Variants in DHCR24 observed in about 807,000 individuals in gnomAD.
The protein encoded by DHCR24 is delta(24)-sterol reductase.
DHCR24 carries 28 observed loss-of-function variants against 61.2 expected under a neutral mutation model. The ratio of observed to expected loss-of-function variants is 0.46; its 90% CI spans 0.34 to 0.63. The LOEUF (loss-of-function observed/expected upper bound fraction) is 0.63. Among genes scored for constraint, DHCR24 ranks in the 20% least tolerant of loss-of-function variants. The pLI, the probability that DHCR24 is intolerant of heterozygous loss-of-function variation, is 0.01. For missense variants in DHCR24, 538 were observed against 679.1 expected (o/e 0.79, Z 2.31); for synonymous variants, 261 against 275.9 (o/e 0.95, Z 0.54).
chr1:54,882,398 G>A (rs1647068424), intron 2 of DHCR24, among the ~76,000 whole-genome samples: 1 of 152,212 alleles, frequency 6.6e-6, no homozygotes, highest in Non-Finnish European at 1.5e-5. Flanking sequence ...TGGTGGAAAT[G>A]TAAAATGCTA....
chr1:54,856,319 CG>C (rs1368491597), intron 6 of DHCR24, among the ~76,000 whole-genome samples: 1 of 152,174 alleles, frequency 6.6e-6, no homozygotes, highest in Non-Finnish European at 1.5e-5. Context: ...CTTATTGGAT[CG>C]GGTGCGGTGG....
chr1:54,860,300 A>G (rs931458575), intron 6 of DHCR24, among the ~76,000 whole-genome samples: 2 of 152,040 alleles, frequency 1.3e-5, no homozygotes, highest in African/African-American at 4.8e-5. Flanking sequence ...CCACTGCCCC[A>G]CCGCCTTTCC....
At chr1:54,866,070 G>A (rs1190330322) in intron 5 of DHCR24, among the ~76,000 whole-genome samples, 1 of 152,076 alleles carries the variant, frequency 6.6e-6, no homozygotes, top group Non-Finnish European at 1.5e-5. Flanking sequence ...GCCCTAAATG[G>A]TCATGACTCA....
chr1:54,886,792 G>A, intron 1 of DHCR24, 97 bp downstream of exon 1: 3 of 1,283,736 alleles, frequency 2.3e-6, no homozygotes, highest in South Asian at 2.0e-5. Flanking sequence ...AGTCCTGGCC[G>A]CCCCCGCACC....
At chr1:54,885,472 A>C (rs1022250809) in intron 1 of DHCR24, among the ~76,000 whole-genome samples, 2 of 152,234 alleles carry the variant, frequency 1.3e-5, no homozygotes, top group Non-Finnish European at 2.9e-5. Flanking sequence ...GTCAGAGTTC[A>C]GGCTCTGAAA....
intron 4 of DHCR24, among the ~76,000 whole-genome samples, chr1:54,873,718 C>T (rs545234062): frequency 3.9e-5 from 6 of 152,310 alleles, no homozygotes; most frequent in African/African-American, 9.6e-5. Flanking sequence ...GGCGTAATCA[C>T]GGCTCACTGC....
At chr1:54,863,020 G>A (rs1289143987) in intron 6 of DHCR24, among the ~76,000 whole-genome samples, 3 of 150,160 alleles carry the variant, frequency 2.0e-5, no homozygotes, top group Non-Finnish European at 4.4e-5. Flanking sequence ...AGCATGCAGT[G>A]GGCGAAATTG....
chr1:54,864,269 T>C (rs1646955636), intron 6 of DHCR24, among the ~76,000 whole-genome samples: 1 of 152,190 alleles, frequency 6.6e-6, no homozygotes, highest in Non-Finnish European at 1.5e-5. Flanking sequence ...GTAGCAGCAC[T>C]GTTCACAGTA....
rs1179389871 is a variant in DHCR24 at position 54,887,182 on chromosome 1, G to C, written c.-63C>G. On this transcript the variant is annotated 5_prime_UTR_variant, in exon 1 of 9. Coordinates refer to ENST00000371269, the MANE Select transcript of DHCR24 (RefSeq NM_014762.4). ...CTCCTGTCACTGCCGCCAGCTCCGC[G>C]CCTGGCCCGCTCTGCGCCTGTAGCC... 7.1e-7 allele frequency: 1 copy of C among 1,407,860 alleles called. No individual in the cohort carries two copies. The highest frequency in any genetic ancestry group is 2.0e-5 in the Admixed American group (1 of 49,562). The allele number at this position is 1,407,860 out of a possible 1,614,324, so 87.2% of individuals were successfully genotyped here.
At position 54,883,388 on chromosome 1, in the gene DHCR24, CCTGA is replaced by C. The variant is rs1647074675; in HGVS notation, c.387+226_387+229del. ...CATTTTTGCTCACGAATTCCCCATT[CCTGA>C]CTTCCTGTGGAAACGCAAAGGGTTC... On this transcript the variant is annotated intron_variant, in intron 2 of 8. Transcript: ENST00000371269. This position sits in a 1 kb window ranked among gnomAD's most constrained non-coding sequence, Gnocchi z 4.3. 6.6e-6 allele frequency among the ~76,000 whole-genome samples: 1 copy of C among 152,190 alleles called. No homozygotes were observed. Among genetic ancestry groups the C allele is most frequent in the Non-Finnish European group, 1.5e-5 (1 of 68,036 alleles).
At chr1:54,872,713 G>C (rs1647006197) in intron 4 of DHCR24, among the ~76,000 whole-genome samples, 1 of 152,112 alleles carries the variant, frequency 6.6e-6, no homozygotes, top group Admixed American at 6.5e-5. Flanking sequence ...TGTCAGTGAG[G>C]AACCTGGGCC....
chr1:54,879,719 C>G (rs369043108), intron 2 of DHCR24, among the ~76,000 whole-genome samples: 1 of 152,054 alleles, frequency 6.6e-6, no homozygotes. Flanking sequence ...AATAAAATTG[C>G]TCAAAACTAG....
At chr1:54,860,740 CTT>C (rs2101561433) in intron 6 of DHCR24, among the ~76,000 whole-genome samples, 1 of 152,280 alleles carries the variant, frequency 6.6e-6, no homozygotes, top group African/African-American at 2.4e-5. Context: ...AATCCCAGCA[CTT>C]TGGGAGGCCG....
At chr1:54,886,101 A>G (rs952100984) in intron 1 of DHCR24, among the ~76,000 whole-genome samples, 4 of 152,338 alleles carry the variant, frequency 2.6e-5, no homozygotes, top group Middle Eastern at 3.4e-3. Flanking sequence ...AGCTCTCTGC[A>G]ACCTGATGCC....
intron 2 of DHCR24, among the ~76,000 whole-genome samples, chr1:54,877,648 C>T (rs570531831): frequency 6.6e-6 from 1 of 151,742 alleles, no homozygotes; most frequent in East Asian, 2.0e-4. Flanking sequence ...CATTTAACTG[C>T]CTGGAGTTAG....
intron 5 of DHCR24, among the ~76,000 whole-genome samples, chr1:54,865,995 C>G (rs573119278): frequency 6.6e-6 from 1 of 152,308 alleles, no homozygotes; most frequent in Admixed American, 6.5e-5. Context: ...ATGAATAAGG[C>G]TCATACCTCC....
chr1:54,886,856 C>T (rs754819597), intron 1 of DHCR24, 33 bp downstream of exon 1: 1 of 1,606,926 alleles, frequency 6.2e-7, no homozygotes, highest in Admixed American at 1.7e-5. Context: ...CCGCCTCCGG[C>T]CCTGAGTCCC....
intron 8 of DHCR24, among the ~76,000 whole-genome samples, chr1:54,853,067 C>G (rs1257922833): frequency 6.6e-6 from 1 of 152,180 alleles, no homozygotes; most frequent in Non-Finnish European, 1.5e-5. Flanking sequence ...ATCCCTCTCT[C>G]CTTAGCTTTG....
At chr1:54,858,682 G>A (rs1443171306) in intron 6 of DHCR24, among the ~76,000 whole-genome samples, 3 of 152,050 alleles carry the variant, frequency 2.0e-5, no homozygotes, top group Non-Finnish European at 2.9e-5. Flanking sequence ...TTATTGCCCA[G>A]GCTGGAGAGC....
Sources: gnomAD v4.1 joint callset for allele counts (sites outside exome capture counted in the v4.1 genomes callset) on GRCh38, gnomAD v4.1.1 for gene constraint, Gnocchi (gnomAD v3.1) non-coding constraint, MANE v1.5 for transcripts, NCBI Gene and HGNC (gene_info 2026-07-23, HGNC 2026-07-21) for gene names.